DGKH: variants seen among roughly 807,000 people sequenced by gnomAD.
The protein encoded by DGKH is DAG kinase eta.
A neutral mutation model predicts 159.3 loss-of-function variants in DGKH; 90 were observed. The ratio of observed to expected loss-of-function variants is 0.57; its 90% confidence interval spans 0.48 to 0.67. DGKH has a LOEUF of 0.67. Among genes scored for constraint, DGKH ranks in the 30% least tolerant of loss-of-function variants. DGKH has a pLI of 0.00. For synonymous variants in DGKH, 536 were observed against 553.8 expected (o/e 0.97, Z 0.45); for missense variants, 1,181 against 1,506.1 (o/e 0.78, Z 3.57).
In DGKH at chr13:42,209,319, G is replaced by A; in HGVS notation, c.2716-12G>A. 2.5e-6 allele frequency: 4 copies of A among 1,597,518 alleles called. No individual in the cohort carries two copies. The South Asian group carries it at 4.6e-5, about 18-fold the overall frequency. On this transcript the variant is annotated splice_polypyrimidine_tract_variant and intron_variant, in intron 22 of 29. Transcript: ENST00000337343. ...GATGATTTGTACTCTAAAATGATTTGTTTTATTTCAGTGCCGTACAGTGAA... is the reference window on the plus strand; with the variant it reads ...GATGATTTGTACTCTAAAATGATTTATTTTATTTCAGTGCCGTACAGTGAA...
intron 7 of DGKH, among the ~76,000 whole-genome samples, chr13:42,162,588 G>A (rs1357759254): frequency 1.3e-5 from 2 of 152,156 alleles, no homozygotes; most frequent in Non-Finnish European, 2.9e-5. Context: ...TGGATCATCT[G>A]AGGTCAGAAG....
intron 29 of DGKH, among the ~76,000 whole-genome samples, chr13:42,249,289 G>A (rs778987282): frequency 1.9e-4 from 29 of 152,138 alleles, no homozygotes; most frequent in South Asian, 6.2e-4. Context: ...TGGGAGGACC[G>A]ATTGAGCCCG....
chr13:42,184,312 T>C (rs997554707), intron 13 of DGKH, among the ~76,000 whole-genome samples: 20 of 152,296 alleles, frequency 1.3e-4, no homozygotes, highest in African/African-American at 4.8e-4. Flanking sequence ...CTTAGTGTAG[T>C]ATGTGCATAT....
At chr13:42,042,395 T>G (rs527627747) in intron 1 of DGKH, among the ~76,000 whole-genome samples, 10 of 152,334 alleles carry the variant, frequency 6.6e-5, no homozygotes, top group African/African-American at 2.4e-4. Flanking sequence ...TTTTTTTTTC[T>G]TCTCAAAAGT....
chr13:42,214,212 A>G (rs347420), intron 24 of DGKH, among the ~76,000 whole-genome samples: 2 of 152,146 alleles, frequency 1.3e-5, no homozygotes, highest in Non-Finnish European at 2.9e-5. Flanking sequence ...AAGGATACTG[A>G]AAAATGAAGT....
upstream of DGKH, among the ~76,000 whole-genome samples, chr13:42,047,424 CAG>C (rs564088133): frequency 1.5e-3 from 229 of 152,296 alleles, 1 homozygote; most frequent in African/African-American, 5.3e-3. Context: ...ATGAACATAA[CAG>C]AGATTGAATG....
rs1958393849 is a variant in DGKH, at chr13:42,235,445, G to C, written c.*6257G>C. 6.6e-6 allele frequency: 1 copy of C among 152,018 alleles called. No individual in the cohort carries two copies. The highest frequency in any genetic ancestry group is 6.6e-5 in the Admixed American group (1 of 15,246). The allele number at this position is 152,018 out of a possible 1,614,324, so 9.4% of individuals were successfully genotyped here. A position where few individuals can be genotyped will look rare whatever the true frequency, so the allele number is the denominator to read the frequency against. On this transcript the variant is annotated 3_prime_UTR_variant, in exon 30 of 30. Coordinates refer to ENST00000337343, the MANE Select transcript of DGKH (RefSeq NM_178009.5). The stretch of plus-strand genomic sequence containing the variant: ...GTGAATTAACCAAACCTAAAAAAAG[G>C]GTTACTTTTAAAATGCATTAAAATA...
Position 42,127,557 on chromosome 13 carries a change from A to G in DGKH, c.287A>G (p.Tyr96Cys). ...YFKLRGRTLY[Y>C]AKDSKSLIFD... ...AAACTTCGAGGCCGCACCCTTTACTATGCAAAGGACTCAAAGGTAACTCAC... is the reference window on the plus strand; with the variant it reads ...AAACTTCGAGGCCGCACCCTTTACTGTGCAAAGGACTCAAAGGTAACTCAC... The change falls in exon 2 of 30, where the codon TAT becomes TGT. Residue 96 changes from tyrosine (Y) to cysteine (C), a missense_variant. Transcript: ENST00000337343. 2.5e-6 allele frequency: 4 copies of G among 1,613,426 alleles called. No individual in the cohort carries two copies. The highest frequency in any genetic ancestry group is 3.4e-6 in the Non-Finnish European group (4 of 1,179,496).
At chr13:42,183,793 G>T (rs1056666642) in intron 13 of DGKH, among the ~76,000 whole-genome samples, 4 of 152,188 alleles carry the variant, frequency 2.6e-5, no homozygotes, top group Non-Finnish European at 5.9e-5. Flanking sequence ...TAGTAAAAAT[G>T]TAAAACAGTT....
intron 1 of DGKH, among the ~76,000 whole-genome samples, chr13:42,089,219 C>G (rs962295053): frequency 6.6e-6 from 1 of 152,138 alleles, no homozygotes; most frequent in Non-Finnish European, 1.5e-5. Flanking sequence ...AGACAAAAAT[C>G]AGTAAGGATA....
intron 7 of DGKH, 127 bp from the exon 8 acceptor site, chr13:42,165,204 A>C: frequency 2.1e-6 from 1 of 480,544 alleles, no homozygotes; most frequent in Non-Finnish European, 3.7e-6. Flanking sequence ...ATACCATTTA[A>C]AGTAGTTTAT....
At chr13:42,113,063 C>CA (rs1412369117) in intron 1 of DGKH, among the ~76,000 whole-genome samples, 5 of 152,176 alleles carry the variant, frequency 3.3e-5, no homozygotes, top group Non-Finnish European at 5.9e-5. Flanking sequence ...TGAAGAGCTA[C>CA]AGTGAGCATG....
intron 1 of DGKH, among the ~76,000 whole-genome samples, chr13:42,098,952 A>C (rs1043158620): frequency 3.9e-5 from 6 of 152,222 alleles, no homozygotes; most frequent in African/African-American, 1.4e-4. Context: ...TTACAAATTC[A>C]TAGGAAACAT....
chr13:42,110,281 C>T (rs1954838372), intron 1 of DGKH, among the ~76,000 whole-genome samples: 1 of 152,174 alleles, frequency 6.6e-6, no homozygotes, highest in Admixed American at 6.5e-5. Context: ...CCCCCAGCTC[C>T]TCCTGCAGCC....
Position 42,160,109 on chromosome 13 carries a change from T to C in DGKH, c.828T>C (p.Asp276=), listed in dbSNP as rs746031340. The C allele has an allele frequency of 6.1e-5, 99 of 1,614,122 alleles. No homozygotes were observed. The highest frequency in any genetic ancestry group is 5.5e-5 in the South Asian group (5 of 91,092). ...GTGGCAGTGTTCTCCGTCTACAGGA[T>C]TGGAAATGCCTTTGGTGTAAGACAA... ...KTCGSVLRLQ[D]WKCLWCKTMV... The change falls in exon 7 of 30, where the codon GAT becomes GAC. Residue 276 remains aspartate, a synonymous_variant. Coordinates refer to ENST00000337343, the MANE Select transcript of DGKH (RefSeq NM_178009.5).
intron 1 of DGKH, among the ~76,000 whole-genome samples, chr13:42,107,623 A>G (rs1443355136): frequency 1.3e-5 from 2 of 152,116 alleles, no homozygotes; most frequent in Non-Finnish European, 2.9e-5. Context: ...GTTTCTGTCC[A>G]TGTGATTGTC....
chr13:42,152,866 G>A (rs1422550002), intron 3 of DGKH, among the ~76,000 whole-genome samples: 1 of 152,132 alleles, frequency 6.6e-6, no homozygotes, highest in Admixed American at 6.5e-5. Flanking sequence ...CATTGTGGGA[G>A]GGGGAGCACA....
At chr13:42,198,386 A>G in intron 17 of DGKH, 92 bp from the exon 18 acceptor site, 1 of 1,091,398 alleles carries the variant, frequency 9.2e-7, no homozygotes, top group East Asian at 2.4e-5. Context: ...TGCTTTTAAA[A>G]GTAAGATATT....
intron 3 of DGKH, among the ~76,000 whole-genome samples, chr13:42,130,462 C>G (rs770465726): frequency 2.0e-5 from 3 of 152,142 alleles, no homozygotes; most frequent in African/African-American, 7.2e-5. Flanking sequence ...TATATAATTT[C>G]CCTCAAGATA....
Sources: allele counts gnomAD v4.1 joint callset (sites outside exome capture counted in the v4.1 genomes callset), GRCh38; gene constraint gnomAD v4.1.1; transcripts MANE v1.5; gene names NCBI Gene and HGNC (gene_info 2026-07-23, HGNC 2026-07-21).